Variants in ARHGEF10 observed in about 807,000 individuals in gnomAD.
The protein encoded by ARHGEF10 is Rho guanine nucleotide exchange factor 10, also known as Rho guanine nucleotide exchange factor (GEF) 10.
In ARHGEF10, 140 loss-of-function variants were observed where a neutral mutation model predicts 147.4. The ratio of observed to expected loss-of-function variants is 0.95; its 90% CI spans 0.83 to 1.09. ARHGEF10 has a LOEUF of 1.09. ARHGEF10 is among the 50% of genes least tolerant of loss of function. ARHGEF10 has a pLI of 0.00. For missense variants in ARHGEF10, 2,222 were observed against 1,752.7 expected, an observed-to-expected ratio of 1.27 and a Z score of -4.78; for synonymous variants, 902 against 695.8, an observed-to-expected ratio of 1.30 and a Z score of -4.67.
intron 14 of ARHGEF10, 97 bp from the exon 15 acceptor site, chr8:1,898,336 T>C: frequency 9.3e-7 from 1 of 1,072,282 alleles, no homozygotes; most frequent in Non-Finnish European, 1.4e-6. Flanking sequence ...GCTTTTGACT[T>C]TCCCGAGTGT....
At chr8:1,840,000 G>T (rs1232586383) in intron 1 of ARHGEF10, among the ~76,000 whole-genome samples, 2 of 149,388 alleles carry the variant, frequency 1.3e-5, no homozygotes, top group East Asian at 2.0e-4. Context: ...GGGACTGTCT[G>T]GTGTGGAAGC....
At chr8:1,924,137 G>A (rs1215080550) in intron 21 of ARHGEF10, among the ~76,000 whole-genome samples, 1 of 152,200 alleles carries the variant, frequency 6.6e-6, no homozygotes, top group Non-Finnish European at 1.5e-5. Context: ...AGTTGAGGCA[G>A]CTGAACACAG....
chr8:1,880,285 G>A (rs760019357), intron 9 of ARHGEF10, 121 bp downstream of exon 9: 17 of 717,168 alleles, frequency 2.4e-5, no homozygotes, highest in Non-Finnish European at 3.5e-5. Context: ...CGGGGCTCCT[G>A]GAATCCCCCG....
At chr8:1,898,371 C>A in intron 14 of ARHGEF10, 62 bp from the exon 15 acceptor site, 1 of 1,483,760 alleles carries the variant, frequency 6.7e-7, no homozygotes, top group Non-Finnish European at 9.4e-7. Flanking sequence ...AGGAGGCGGC[C>A]CCAGGGGCAG....
chr8:1,888,458 G>T (rs548296047), intron 11 of ARHGEF10, among the ~76,000 whole-genome samples: 3 of 132,994 alleles, frequency 2.3e-5, no homozygotes, highest in South Asian at 2.5e-4. Context: ...GCACTGAGTG[G>T]GGTGAGGGGT....
intron 8 of ARHGEF10, among the ~76,000 whole-genome samples, chr8:1,877,266 C>T (rs985445580): frequency 6.6e-6 from 1 of 152,124 alleles, no homozygotes; most frequent in African/African-American, 2.4e-5. Context: ...CTCGTTCTGT[C>T]TCCCAGGCTG....
intron 18 of ARHGEF10, 95 bp downstream of exon 18, chr8:1,909,565 A>C (rs1214774809): frequency 6.5e-7 from 1 of 1,531,206 alleles, no homozygotes. Context: ...CACCATCAGC[A>C]GGTTCAGGGT....
rs1350781297 is a variant in ARHGEF10, at chr8:1,882,682, G to A, written c.1008G>A (p.Leu336=). The change falls in exon 10 of 29, where the codon CTG becomes CTA. Residue 336 remains leucine (L), a synonymous_variant. Transcript: ENST00000349830. Reference sequence around the variant, plus strand: ...CGAAGGACGGCACCAAGGACGGGCTGGAGAGGACCAGGGCAGCCGTGAAGA... The same window carrying A: ...CGAAGGACGGCACCAAGGACGGGCTAGAGAGGACCAGGGCAGCCGTGAAGA... ...KAAKDGTKDG[L]ERTRAAVKRG... is the part of the protein sequence containing the mutation. 3 of 1,557,314 alleles carry A rather than the reference G, an allele frequency of 1.9e-6. No individual in the cohort carries two copies. The highest frequency in any genetic ancestry group is 2.6e-6 in the Non-Finnish European group (3 of 1,149,880).
rs1296099693 is a variant in ARHGEF10, at chr8:1,889,778, GTGGGGTGAGGGTTGTGAGCAGACACTTCA to G, written c.1183-3786_1183-3758del. 3.1e-4 allele frequency among the ~76,000 whole-genome samples: 43 copies of G among 139,186 alleles called. 1 individual carries two copies. The East Asian group carries it at 8.5e-3, about 28-fold the overall frequency. 91.3% of individuals were successfully genotyped at this position (139,186 alleles called of 152,430 possible). On this transcript the variant is annotated intron_variant, in intron 11 of 28. Coordinates refer to ENST00000349830, the MANE Select transcript of ARHGEF10 (RefSeq NM_014629.4). The stretch of plus-strand genomic sequence containing the variant: ...GATGAGGGTTGTGAGGAGACACTGA[GTGGGGTGAGGGTTGTGAGCAGACACTTCA>G]TGGGAGGAGGGTTTGTGAGAAGACA...
intron 3 of ARHGEF10, among the ~76,000 whole-genome samples, chr8:1,859,141 C>T (rs117751837): frequency 0.033 from 2,781 of 85,056 alleles, 203 homozygotes; most frequent in East Asian, 0.13. Context: ...CAGCACGCGC[C>T]TCTCTGCTTA....
In ARHGEF10 at chr8:1,845,569, C is replaced by T. The variant is rs565528993; in HGVS notation, c.37+2133C>T. 1.3e-4 allele frequency among the ~76,000 whole-genome samples: 20 copies of T among 152,350 alleles called. No individual in the cohort carries two copies. In the East Asian group the frequency reaches 3.7e-3, roughly 28 times the overall value. The stretch of plus-strand genomic sequence containing the variant: ...AGGACGTAGGACCCGTTCAGAATCC[C>T]GTGGCAGATGGATGCTGCCTTTCAC... On this transcript the variant is annotated intron_variant, in intron 2 of 28. Coordinates refer to ENST00000349830, the MANE Select transcript of ARHGEF10 (RefSeq NM_014629.4).
At position 1,957,447 on chromosome 8, in the gene ARHGEF10, C is replaced by T. The variant is rs1815674287; in HGVS notation, c.*184C>T. 4 of 830,030 alleles carry T rather than the reference C, an allele frequency of 4.8e-6. No homozygotes were observed. The highest frequency in any genetic ancestry group is 1.7e-5 in the African/African-American group (1 of 58,276). 51.4% of individuals were successfully genotyped at this position (830,030 alleles called of 1,614,324 possible). A position where few individuals can be genotyped will look rare whatever the true frequency, so the allele number is the denominator to read the frequency against. ...GCCAATTCCTTCCTTCTCTTCTGTA[C>T]AGCAGAAGTAATTACAAGCACTTCT... On this transcript the variant is annotated 3_prime_UTR_variant, in exon 29 of 29. Transcript: ENST00000349830.
rs1281088092 is a variant in ARHGEF10, at chr8:1,937,447, G to C, written c.3222+3505G>C. Among the ~76,000 whole-genome samples, 3 of 152,130 alleles carry C rather than the reference G, an allele frequency of 2.0e-5. No homozygotes were observed. In the South Asian group the frequency reaches 6.2e-4, roughly 32 times the overall value. On this transcript the variant is annotated intron_variant, in intron 26 of 28. Transcript: ENST00000349830. This position sits in a 1 kb window ranked among gnomAD's most constrained non-coding sequence, Gnocchi z 4.9. ...CTCAATTGTCTGAGCTGACAGCTGG[G>C]GGTAATTCCCCTTTCTCAGGCTGCT...
intron 11 of ARHGEF10, among the ~76,000 whole-genome samples, chr8:1,888,328 TTGAC>T (rs1808959544): frequency 4.0e-5 from 2 of 49,416 alleles, no homozygotes; most frequent in African/African-American, 1.9e-4. Context: ...GAGTGGGATG[TTGAC>T]TGTGAGGAGA....
chr8:1,876,440 A>G (rs1281689786), intron 7 of ARHGEF10, 131 bp from the exon 8 acceptor site: 2 of 976,608 alleles, frequency 2.0e-6, no homozygotes, highest in Non-Finnish European at 3.2e-6. Flanking sequence ...GGGGCTCCGC[A>G]GGGTCCTCAG....
chr8:1,845,867 A>C (rs541339840), intron 2 of ARHGEF10, among the ~76,000 whole-genome samples: 47 of 152,278 alleles, frequency 3.1e-4, no homozygotes, highest in African/African-American at 1.1e-3. Context: ...TGGAGGCAGG[A>C]CTGGGGGTGC....
Position 1,958,174 on chromosome 8 carries a change from C to G in ARHGEF10, c.*911C>G, listed in dbSNP as rs748514592. On this transcript the variant is annotated 3_prime_UTR_variant, in exon 29 of 29. Transcript: ENST00000349830. ...GGAATGCTGTGTCTGCTTTAGCACG[C>G]ACGCTCCGAATGACTCCTGGTGCTA... 6.6e-6 allele frequency: 1 copy of G among 152,294 alleles called. No homozygotes were observed. The highest frequency in any genetic ancestry group is 1.5e-5 in the Non-Finnish European group (1 of 68,068). 9.4% of individuals were successfully genotyped at this position (152,294 alleles called of 1,614,324 possible).
At chr8:1,844,722 C>G (rs1804418986) in intron 2 of ARHGEF10, among the ~76,000 whole-genome samples, 1 of 152,072 alleles carries the variant, frequency 6.6e-6, no homozygotes, top group African/African-American at 2.4e-5. Context: ...CGCCACAGTT[C>G]ACTTACGTGT....
intron 26 of ARHGEF10, among the ~76,000 whole-genome samples, chr8:1,934,354 C>CA (rs36102342): frequency 0.58 from 68,304 of 117,246 alleles, 20,136 homozygotes; most frequent in East Asian, 0.79. Context: ...ACCCTGTCTC[C>CA]AAAAAAAAAA....
Sources: allele counts gnomAD v4.1 joint callset (sites outside exome capture counted in the v4.1 genomes callset), GRCh38; gene constraint gnomAD v4.1.1; non-coding constraint Gnocchi (gnomAD v3.1); transcripts MANE v1.5; gene names NCBI Gene and HGNC (gene_info 2026-07-23, HGNC 2026-07-21).